EMCN: variants seen among roughly 807,000 people sequenced by gnomAD.
The protein encoded by EMCN is endomucin, also known as MUC-14.
Under a neutral mutation model 38.4 loss-of-function variants are expected in EMCN, and 37 were observed. That is an observed-to-expected ratio of 0.96 (90% CI 0.74 to 1.27). The LOEUF is 1.27. Ranked by LOEUF, EMCN falls within the 50% of genes most tolerant of loss-of-function variation. The probability of loss-of-function intolerance (pLI) is 0.00; values close to 1 mark genes in which losing one functional copy is unlikely to be tolerated. For synonymous variants in EMCN, 95 were observed against 100.8 expected, an observed-to-expected ratio of 0.94 and a Z score of 0.35; for missense variants, 318 against 302.8, an observed-to-expected ratio of 1.05 and a Z score of -0.37.
At chr4:100,462,315 A>C (rs2110260218) in intron 4 of EMCN, among the ~76,000 whole-genome samples, 1 of 152,310 alleles carries the variant, frequency 6.6e-6, no homozygotes, top group Non-Finnish European at 1.5e-5. Flanking sequence ...AACTGAGTTT[A>C]GAAGCTAAAT....
intron 5 of EMCN, among the ~76,000 whole-genome samples, chr4:100,444,386 G>T (rs1284691591): frequency 4.6e-5 from 7 of 152,156 alleles, no homozygotes; most frequent in African/African-American, 1.7e-4. Flanking sequence ...CCTGTGGGTA[G>T]CATGCTGTCT....
At chr4:100,410,976 C>T (rs1432716911) in intron 10 of EMCN, among the ~76,000 whole-genome samples, 1 of 152,170 alleles carries the variant, frequency 6.6e-6, no homozygotes, top group African/African-American at 2.4e-5. Context: ...ATATATTTCG[C>T]ATTACTTGTG....
chr4:100,514,589 A>G (rs1729707371), intron 1 of EMCN, among the ~76,000 whole-genome samples: 1 of 152,072 alleles, frequency 6.6e-6, no homozygotes, highest in Non-Finnish European at 1.5e-5. Context: ...AATTAACTAT[A>G]TGAGTCAATA....
intron 9 of EMCN, 72 bp downstream of exon 9, chr4:100,417,045 T>G (rs1726755729): frequency 1.4e-6 from 2 of 1,447,916 alleles, no homozygotes; most frequent in African/African-American, 2.8e-5. Flanking sequence ...CAAAAAAGTA[T>G]AAGTAGAGTA....
chr4:100,494,712 A>T (rs2110295150), intron 1 of EMCN, among the ~76,000 whole-genome samples: 1 of 152,218 alleles, frequency 6.6e-6, no homozygotes, highest in Admixed American at 6.5e-5. Context: ...AAGAATGTCT[A>T]GAACTGAGAG....
At chr4:100,440,394 C>T (rs2651536) in intron 5 of EMCN, among the ~76,000 whole-genome samples, 42,355 of 151,842 alleles carry the variant, frequency 0.28, 7,497 homozygotes, top group Non-Finnish European at 0.4. Context: ...CTCACTCCCA[C>T]GTTCCCCCTT....
At chr4:100,411,460 T>C (rs978274678) in intron 10 of EMCN, among the ~76,000 whole-genome samples, 4 of 152,170 alleles carry the variant, frequency 2.6e-5, no homozygotes, top group African/African-American at 9.7e-5. Flanking sequence ...CAATTCGTAA[T>C]ATTCTTCCTC....
At chr4:100,478,329 C>A (rs1406900145) in intron 2 of EMCN, among the ~76,000 whole-genome samples, 1 of 152,150 alleles carries the variant, frequency 6.6e-6, no homozygotes, top group Non-Finnish European at 1.5e-5. Flanking sequence ...ATTTCCCTCC[C>A]ACTGCTAGAT....
chr4:100,402,903 T>A (rs1377128433), intron 11 of EMCN, among the ~76,000 whole-genome samples: 2 of 152,192 alleles, frequency 1.3e-5, no homozygotes, highest in East Asian at 1.9e-4. Context: ...TTTGGTAATT[T>A]AAAAAACAGC....
At chr4:100,435,611 T>C (rs938312241) in intron 5 of EMCN, among the ~76,000 whole-genome samples, 7 of 152,196 alleles carry the variant, frequency 4.6e-5, no homozygotes, top group Admixed American at 3.3e-4. Flanking sequence ...GGCATCACCC[T>C]ACCTGACTTC....
chr4:100,508,261 T>G (rs917307371), intron 1 of EMCN, among the ~76,000 whole-genome samples: 1 of 152,204 alleles, frequency 6.6e-6, no homozygotes. Context: ...ACCCAAGTGC[T>G]CTTGGCTCAA....
At chr4:100,475,334 C>CACACACACACACAT (rs1394308238) in intron 2 of EMCN, among the ~76,000 whole-genome samples, 1 of 151,074 alleles carries the variant, frequency 6.6e-6, no homozygotes, top group African/African-American at 2.4e-5. Context: ...CACACACACA[C>CACACACACACACAT]ATTTTTCATA....
In EMCN at chr4:100,409,976, T is replaced by A. The variant is rs564696380; in HGVS notation, c.*39+306A>T. Among the ~76,000 whole-genome samples the A allele has an allele frequency of 1.3e-4, 20 of 152,358 alleles. 1 individual carries two copies. The East Asian group carries it at 1.9e-3, about 15-fold the overall frequency. On this transcript the variant is annotated intron_variant, in intron 11 of 11. Transcript: ENST00000296420. ...GCCTGTCTAAGTGCCACAGTTAGTG[T>A]GTGCTTACTGACCTAGGTAGGCAGA...
chr4:100,470,506 A>C (rs757238674), intron 3 of EMCN, among the ~76,000 whole-genome samples: 8 of 152,048 alleles, frequency 5.3e-5, no homozygotes, highest in Non-Finnish European at 8.8e-5. Context: ...CTAAAAACAG[A>C]AATACCACTC....
At chr4:100,406,938 T>G (rs1015825368) in intron 11 of EMCN, among the ~76,000 whole-genome samples, 1 of 152,194 alleles carries the variant, frequency 6.6e-6, no homozygotes, top group African/African-American at 2.4e-5. Context: ...TTTAGGATAG[T>G]TAAGTCTTCT....
intron 4 of EMCN, among the ~76,000 whole-genome samples, chr4:100,451,745 G>A (rs989798248): frequency 2.0e-5 from 3 of 151,864 alleles, no homozygotes; most frequent in Admixed American, 2.0e-4. Context: ...TTCTGAACTT[G>A]TTTCCTTATT....
rs938358408 is a variant in EMCN, at chr4:100,421,489, A to G, written c.569-112T>C. The G allele has an allele frequency of 2.3e-5, 18 of 793,900 alleles. No homozygotes were observed. In the South Asian group the frequency reaches 2.7e-4, roughly 12 times the overall value. The allele number at this position is 793,900 out of a possible 1,614,324, so 49.2% of individuals were successfully genotyped here. On this transcript the variant is annotated intron_variant, in intron 7 of 11. Transcript: ENST00000296420. ...TCCTTTCTTCTTTAAATATCATTCT[A>G]TTAAAAACATATTTTAGGCAAAGAT...
At chr4:100,473,710 T>C (rs915771832) in intron 3 of EMCN, 2 of 152,268 alleles carry the variant, frequency 1.3e-5, no homozygotes, top group Admixed American at 1.3e-4. Context: ...ACATGAGAAG[T>C]TGCCAAAGAA....
Position 100,395,485 on chromosome 4 carries a change from T to C in EMCN, c.*2928A>G, listed in dbSNP as rs1444143654. ...GAATACTCATTATAGGTTTAATTAA[T>C]CACAATGATGGATATCTTTAACATT... On this transcript the variant is annotated 3_prime_UTR_variant, in exon 12 of 12. Transcript: ENST00000296420. 1 of 152,148 alleles carries C rather than the reference T, an allele frequency of 6.6e-6. No homozygotes were observed. Among genetic ancestry groups the C allele is most frequent in the East Asian group, 1.9e-4 (1 of 5,188 alleles). The allele number at this position is 152,148 out of a possible 1,614,324, so 9.4% of individuals were successfully genotyped here. A position where few individuals can be genotyped will look rare whatever the true frequency, so the allele number is the denominator to read the frequency against.
Sources: allele counts gnomAD v4.1 joint callset (sites outside exome capture counted in the v4.1 genomes callset), GRCh38; gene constraint gnomAD v4.1.1; transcripts MANE v1.5; gene names NCBI Gene and HGNC (gene_info 2026-07-23, HGNC 2026-07-21).